Variants in STAU1 observed in about 807,000 individuals in gnomAD.
STAU1 encodes the protein double-stranded RNA-binding protein Staufen homolog 1.
Under a neutral mutation model 62.9 loss-of-function variants are expected in STAU1, and 13 were observed. That is an observed-to-expected ratio of 0.21 (90% CI 0.13 to 0.33). The LOEUF (loss-of-function observed/expected upper bound fraction) is 0.33. Ranked by LOEUF, STAU1 falls within the 10% of genes least tolerant of loss-of-function variation. STAU1 has a pLI of 1.00. For missense variants in STAU1, 571 were observed against 712.1 expected (o/e 0.80, Z 2.25); for synonymous variants, 269 against 265.1 (o/e 1.01, Z -0.14).
At chr20:49,124,281 T>TC in intron 7 of STAU1, 94 bp downstream of exon 7, 3 of 1,338,256 alleles carry the variant, frequency 2.2e-6, no homozygotes, top group Admixed American at 3.9e-5. Context: ...GTTGGTCTCA[T>TC]CCCCTTTCAC....
upstream of STAU1, among the ~76,000 whole-genome samples, chr20:49,191,766 T>C (rs2093831574): frequency 6.6e-6 from 1 of 152,044 alleles, no homozygotes; most frequent in African/African-American, 2.4e-5. Flanking sequence ...AAAAATATAA[T>C]GGGGCCGGGC....
intron 6 of STAU1, among the ~76,000 whole-genome samples, chr20:49,133,811 T>C (rs1413801668): frequency 6.6e-6 from 1 of 152,090 alleles, no homozygotes; most frequent in Non-Finnish European, 1.5e-5. Flanking sequence ...CGTACCCAGG[T>C]GGGCCACAGT....
intron 1 of STAU1, among the ~76,000 whole-genome samples, chr20:49,185,335 C>T (rs1447157093): frequency 6.6e-6 from 1 of 152,168 alleles, no homozygotes; most frequent in South Asian, 2.1e-4. Context: ...TATTTGTTCG[C>T]TTTTCAATTA....
chr20:49,193,335 C>A (rs1278045244), upstream of STAU1, among the ~76,000 whole-genome samples: 3 of 151,992 alleles, frequency 2.0e-5, no homozygotes, highest in African/African-American at 7.2e-5. Context: ...CGAGATCACA[C>A]CACTGCACTG....
Position 49,166,264 on chromosome 20 carries a change from G to T in STAU1, c.-63C>A. ...AGCTTTCAGTGCAGGTTAATTCAGT[G>T]CTATGAAGTCTAAAGTTCTACCTAA... On this transcript the variant is annotated 5_prime_UTR_variant, in exon 3 of 14. Coordinates refer to ENST00000371856, the MANE Select transcript of STAU1 (RefSeq NM_017453.4). 6.9e-7 allele frequency: 1 copy of T among 1,448,590 alleles called. No homozygotes were observed. The highest frequency in any genetic ancestry group is 9.6e-7 in the Non-Finnish European group (1 of 1,041,840). The allele number at this position is 1,448,590 out of a possible 1,614,324, so 89.7% of individuals were successfully genotyped here.
At chr20:49,199,462 C>A in the STAU1 span, among the ~76,000 whole-genome samples, 19 of 151,492 alleles carry the variant, frequency 1.3e-4, no homozygotes, top group East Asian at 3.2e-3. Context: ...ATCTCTTGAC[C>A]TTGTGATCCG....
chr20:49,119,711 T>C (rs562692302), intron 9 of STAU1, among the ~76,000 whole-genome samples: 15 of 152,058 alleles, frequency 9.9e-5, no homozygotes, highest in Non-Finnish European at 1.3e-4. Context: ...ATCCTACAAA[T>C]AGAGAGGAGC....
chr20:49,218,562 AAAC>A, the STAU1 span, among the ~76,000 whole-genome samples: 23,894 of 150,094 alleles, frequency 0.16, 2,283 homozygotes, highest in East Asian at 0.34. Context: ...ACAAACAAAC[AAAC>A]AAAAAAAACA....
Position 49,114,600 on chromosome 20 carries a change from A to C in STAU1, c.*278T>G. ...TGTGGATCTGCTGGTGTCCCGGGAG[A>C]ACCAGCTGGCTGGGCAGCCCTTCTT... is the stretch of plus-strand genomic sequence containing the variant. On this transcript the variant is annotated 3_prime_UTR_variant, in exon 14 of 14. Transcript: ENST00000371856. 1 of 451,140 alleles carries C rather than the reference A, an allele frequency of 2.2e-6. No individual in the cohort carries two copies. Among genetic ancestry groups the C allele is most frequent in the Non-Finnish European group, 4.0e-6 (1 of 250,286 alleles). The allele number at this position is 451,140 out of a possible 1,614,324, so 27.9% of individuals were successfully genotyped here.
At chr20:49,140,371 G>A (rs2092982673) in intron 5 of STAU1, among the ~76,000 whole-genome samples, 1 of 152,094 alleles carries the variant, frequency 6.6e-6, no homozygotes, top group Non-Finnish European at 1.5e-5. Context: ...AGGGTTCACA[G>A]CAGCATTCAC....
intron 2 of STAU1, among the ~76,000 whole-genome samples, chr20:49,172,990 GCCC>G (rs11480925): frequency 6.7e-6 from 1 of 149,978 alleles, no homozygotes; most frequent in African/African-American, 2.5e-5. Context: ...CCATTCTCCC[GCCC>G]CCCAACACCT....
chr20:49,127,785 G>A (rs1371576547), intron 6 of STAU1, among the ~76,000 whole-genome samples: 1 of 152,144 alleles, frequency 6.6e-6, no homozygotes, highest in Non-Finnish European at 1.5e-5. Flanking sequence ...GGCCAAGGCG[G>A]GTGGATGGCT....
chr20:49,152,340 C>CTT (rs3092547), intron 4 of STAU1, among the ~76,000 whole-genome samples: 1,976 of 104,556 alleles, frequency 0.019, 257 homozygotes, highest in African/African-American at 0.054. Context: ...CCACTAATGT[C>CTT]TTTTTTTTTT....
the STAU1 span, among the ~76,000 whole-genome samples, chr20:49,199,718 G>A: frequency 7.9e-3 from 1,177 of 149,664 alleles, 11 homozygotes; most frequent in Non-Finnish European, 0.012. Context: ...GATTACAGGC[G>A]CCTGCCACCA....
intron 3 of STAU1, among the ~76,000 whole-genome samples, chr20:49,158,193 A>C (rs2093392937): frequency 6.6e-6 from 1 of 152,068 alleles, no homozygotes; most frequent in South Asian, 2.1e-4. Context: ...GAGGCAAGAG[A>C]ATCACTTGAA....
intron 3 of STAU1, among the ~76,000 whole-genome samples, chr20:49,155,663 CTT>C (rs1267582935): frequency 2.0e-5 from 3 of 152,148 alleles, no homozygotes; most frequent in Non-Finnish European, 4.4e-5. Flanking sequence ...ATAAGAATAT[CTT>C]TGGGGTTTGC....
intron 5 of STAU1, among the ~76,000 whole-genome samples, chr20:49,136,394 A>G (rs2092883949): frequency 6.6e-6 from 1 of 152,190 alleles, no homozygotes; most frequent in African/African-American, 2.4e-5. Flanking sequence ...CACACATACC[A>G]AGTGTCACTG....
At chr20:49,218,902 G>C in the STAU1 span, among the ~76,000 whole-genome samples, 3 of 149,646 alleles carry the variant, frequency 2.0e-5, no homozygotes, top group African/African-American at 7.4e-5. Flanking sequence ...TGTACCTCCA[G>C]TTACTCAGAA....
At chr20:49,209,608 G>A in the STAU1 span, among the ~76,000 whole-genome samples, 1 of 152,100 alleles carries the variant, frequency 6.6e-6, no homozygotes, top group East Asian at 1.9e-4. Context: ...GCCGGGCAGG[G>A]TGTCGGATGC....
Sources: allele counts gnomAD v4.1 joint callset (sites outside exome capture counted in the v4.1 genomes callset), GRCh38; gene constraint gnomAD v4.1.1; transcripts MANE v1.5; gene names NCBI Gene and HGNC (gene_info 2026-07-23, HGNC 2026-07-21).